GPC5: variants seen among roughly 807,000 people sequenced by gnomAD.
GPC5 encodes the protein glypican-5.
GPC5 carries 47 observed loss-of-function variants against 53.9 expected under a neutral mutation model. That is an observed-to-expected ratio of 0.87 (90% confidence interval 0.69 to 1.11). GPC5 has a LOEUF of 1.11. GPC5 is among the 50% of genes most tolerant of loss of function. The pLI is 0.00. For synonymous variants in GPC5, 286 were observed against 263.3 expected, an observed-to-expected ratio of 1.09 and a Z score of -0.84; for missense variants, 748 against 713.1, an observed-to-expected ratio of 1.05 and a Z score of -0.56.
In GPC5 at chr13:92,845,224, T is replaced by C. The variant is rs142363908; in HGVS notation, c.1562-21058T>C. On this transcript the variant is annotated intron_variant, in intron 7 of 7. Transcript: ENST00000377067. ...GGCACGATCCCTTTGATGAGCTTGA[T>C]ATTTCATATATTTAAAAGATGATAA... Among the ~76,000 whole-genome samples the C allele has an allele frequency of 3.0e-4, 46 of 152,280 alleles. 1 individual carries two copies. The East Asian group carries it at 7.3e-3, about 24-fold the overall frequency.
intron 7 of GPC5, among the ~76,000 whole-genome samples, chr13:92,159,593 CTTTTTTTTTTTTTTTTTTT>C (rs71120074): frequency 1.7e-5 from 1 of 57,218 alleles, no homozygotes; most frequent in Non-Finnish European, 3.3e-5. Context: ...TACCAATGTT[CTTTTTTTTTTTTTTTTTTT>C]TTTTTTTTGA....
chr13:92,458,304 G>GC (rs1447347539), intron 7 of GPC5, among the ~76,000 whole-genome samples: 1 of 132,028 alleles, frequency 7.6e-6, no homozygotes, highest in Admixed American at 7.8e-5. Flanking sequence ...TTCTTTTTTT[G>GC]GGGGGGGCAG....
At chr13:91,778,467 T>A (rs2138714498) in intron 5 of GPC5, among the ~76,000 whole-genome samples, 1 of 152,322 alleles carries the variant, frequency 6.6e-6, no homozygotes, top group Middle Eastern at 3.4e-3. Flanking sequence ...TGTATGGGAC[T>A]GGAATCTCAT....
At chr13:91,849,713 G>T (rs751258992) in intron 5 of GPC5, among the ~76,000 whole-genome samples, 5 of 152,068 alleles carry the variant, frequency 3.3e-5, no homozygotes, top group Non-Finnish European at 7.4e-5. Context: ...GCTTTTGATC[G>T]AGGGAAACCT....
At chr13:91,868,805 T>C (rs1443964156) in intron 5 of GPC5, among the ~76,000 whole-genome samples, 1 of 152,140 alleles carries the variant, frequency 6.6e-6, no homozygotes, top group East Asian at 1.9e-4. Flanking sequence ...TGATTGTTTA[T>C]TTTATGTGGG....
chr13:92,794,292 A>G (rs1233240016), intron 7 of GPC5, among the ~76,000 whole-genome samples: 4 of 152,220 alleles, frequency 2.6e-5, no homozygotes, highest in Non-Finnish European at 5.9e-5. Flanking sequence ...CCATATGATT[A>G]TCTCAATAGA....
At chr13:92,315,395 T>C (rs1465130013) in intron 7 of GPC5, among the ~76,000 whole-genome samples, 1 of 152,162 alleles carries the variant, frequency 6.6e-6, no homozygotes, top group East Asian at 1.9e-4. Context: ...TTAGCTACTT[T>C]AGAAACTCTA....
intron 5 of GPC5, among the ~76,000 whole-genome samples, chr13:91,867,043 C>T (rs929497657): frequency 1.3e-5 from 2 of 152,234 alleles, no homozygotes; most frequent in African/African-American, 4.8e-5. Flanking sequence ...TGGAGAAACC[C>T]TGTCTCTACT....
intron 7 of GPC5, among the ~76,000 whole-genome samples, chr13:92,445,824 C>T (rs1316520354): frequency 6.6e-6 from 1 of 152,070 alleles, no homozygotes; most frequent in Non-Finnish European, 1.5e-5. Flanking sequence ...CTTGCCCAGG[C>T]TAGAGTCCAA....
chr13:91,676,216 G>T (rs2035380128), intron 2 of GPC5, among the ~76,000 whole-genome samples: 1 of 152,022 alleles, frequency 6.6e-6, no homozygotes, highest in Admixed American at 6.6e-5. Flanking sequence ...GATTACAGGT[G>T]CCCGCCACCA....
intron 1 of GPC5, among the ~76,000 whole-genome samples, chr13:91,430,473 T>G (rs985265144): frequency 4.6e-5 from 7 of 152,160 alleles, no homozygotes; most frequent in African/African-American, 1.7e-4. Context: ...TGAGAGAAGT[T>G]TTTCTTCCTC....
chr13:92,457,102 T>C (rs1285237198), intron 7 of GPC5, among the ~76,000 whole-genome samples: 1 of 152,054 alleles, frequency 6.6e-6, no homozygotes, highest in African/African-American at 2.4e-5. Context: ...ACATGCGGTA[T>C]TTGGTTTTCT....
intron 2 of GPC5, among the ~76,000 whole-genome samples, chr13:91,558,845 G>A (rs972449892): frequency 6.6e-6 from 1 of 152,024 alleles, no homozygotes; most frequent in Admixed American, 6.6e-5. Context: ...TCATGAGGGG[G>A]TTGGACTTCC....
At chr13:92,612,684 CA>C (rs1884478495) in intron 7 of GPC5, among the ~76,000 whole-genome samples, 1 of 151,982 alleles carries the variant, frequency 6.6e-6, no homozygotes. Flanking sequence ...TGCTGGTAGT[CA>C]AAATGTGCAT....
At position 92,012,053 on chromosome 13, in the gene GPC5, A is replaced by T. The variant is rs539071939; in HGVS notation, c.1401+103996A>T. On this transcript the variant is annotated intron_variant, in intron 6 of 7. Transcript: ENST00000377067. ...CTGTCACAGTTGGGTAATTCAATGT[A>T]GAACTTCTAGAAAATAATAAGAGAG... Among the ~76,000 whole-genome samples the T allele has an allele frequency of 2.6e-4, 40 of 152,366 alleles. No individual in the cohort carries two copies. In the South Asian group the frequency reaches 5.0e-3, roughly 19 times the overall value.
chr13:91,978,966 G>C (rs2040333099), intron 6 of GPC5, among the ~76,000 whole-genome samples: 1 of 152,164 alleles, frequency 6.6e-6, no homozygotes, highest in African/African-American at 2.4e-5. Context: ...GGGAATTAAA[G>C]AAATAAGCAA....
At chr13:91,413,301 T>C (rs1877947876) in intron 1 of GPC5, among the ~76,000 whole-genome samples, 1 of 151,010 alleles carries the variant, frequency 6.6e-6, no homozygotes, top group Non-Finnish European at 1.5e-5. Flanking sequence ...AAAACCAAAA[T>C]GAACAAGTGA....
At chr13:92,757,512 A>G (rs930325181) in intron 7 of GPC5, among the ~76,000 whole-genome samples, 7 of 152,336 alleles carry the variant, frequency 4.6e-5, no homozygotes, top group Non-Finnish European at 4.4e-5. Context: ...GCTTCTGTAC[A>G]GCAAAAGAAA....
intron 7 of GPC5, among the ~76,000 whole-genome samples, chr13:92,496,469 G>C (rs1039217228): frequency 2.0e-5 from 3 of 152,076 alleles, no homozygotes; most frequent in African/African-American, 7.2e-5. Context: ...AGGTAAATCA[G>C]GACCTAAAGA....
Sources: gnomAD v4.1 joint callset for allele counts (sites outside exome capture counted in the v4.1 genomes callset) on GRCh38, gnomAD v4.1.1 for gene constraint, MANE v1.5 for transcripts, NCBI Gene and HGNC (gene_info 2026-07-23, HGNC 2026-07-21) for gene names.